The following CHST8 variants were observed in gnomAD, a reference collection of about 807,000 sequenced individuals.
CHST8 encodes GALNAC-4-ST1.
In CHST8, 10 loss-of-function variants were observed where a neutral mutation model predicts 15.0. That is an observed-to-expected ratio of 0.67 (90% CI 0.41 to 1.13). The LOEUF is 1.13. CHST8 is among the 50% of genes most tolerant of loss of function. CHST8 has a pLI of 0.00. For synonymous variants in CHST8, 259 were observed against 256.6 expected (o/e 1.01, Z -0.09); for missense variants, 634 against 608.2 (o/e 1.04, Z -0.45).
intron 3 of CHST8, among the ~76,000 whole-genome samples, chr19:33,703,386 G>A (rs1463577833): frequency 2.6e-5 from 4 of 152,228 alleles, no homozygotes; most frequent in Non-Finnish European, 5.9e-5. Context: ...GTCCACCCAC[G>A]CTCCAAGGAC....
chr19:33,671,330 C>T (rs1000432335), intron 2 of CHST8, among the ~76,000 whole-genome samples: 3 of 152,152 alleles, frequency 2.0e-5, no homozygotes, highest in Non-Finnish European at 4.4e-5. Flanking sequence ...TTTCCACATC[C>T]TGGCCCGAGA....
At chr19:33,714,498 G>A (rs1392579069) in intron 3 of CHST8, among the ~76,000 whole-genome samples, 3 of 152,172 alleles carry the variant, frequency 2.0e-5, no homozygotes, top group Non-Finnish European at 2.9e-5. Flanking sequence ...CTCAAAGGTG[G>A]GAGGATAAGA....
intron 3 of CHST8, among the ~76,000 whole-genome samples, chr19:33,704,034 C>A (rs1973394881): frequency 6.6e-6 from 1 of 152,184 alleles, no homozygotes; most frequent in Admixed American, 6.5e-5. Flanking sequence ...GGCTGCCTGT[C>A]ATCTTGCCCT....
chr19:33,663,452 C>A (rs143766401), intron 1 of CHST8, among the ~76,000 whole-genome samples: 172 of 152,308 alleles, frequency 1.1e-3, no homozygotes, highest in African/African-American at 4.0e-3. Flanking sequence ...GTGGTCCCAG[C>A]TACTCAGTGG....
Position 33,771,959 on chromosome 19 carries a change from C to T in CHST8, c.171C>T (p.Asp57=). The change falls in exon 5 of 5, where the codon GAC becomes GAT. Residue 57 remains aspartate (D), a splice_region_variant and synonymous_variant. Coordinates refer to ENST00000650847, the MANE Select transcript of CHST8 (RefSeq NM_001127895.2). ...AACCACTTCTCTTCTTGCCCCAGGA[C>T]CTCCCACCAGGCGGCTCCCAGGATG... is the stretch of plus-strand genomic sequence containing the variant. ...FNIRPRQPHH[D]LPPGGSQDGD... 4 of 1,561,916 alleles carry T rather than the reference C, an allele frequency of 2.6e-6. No homozygotes were observed. Among genetic ancestry groups the T allele is most frequent in the Non-Finnish European group, 2.6e-6 (3 of 1,156,722 alleles).
At chr19:33,671,151 C>A (rs1168283643) in intron 2 of CHST8, among the ~76,000 whole-genome samples, 1 of 152,180 alleles carries the variant, frequency 6.6e-6, no homozygotes, top group Non-Finnish European at 1.5e-5. Context: ...GAGTGAATTA[C>A]AGTTTTTTCA....
At chr19:33,739,496 T>TAAAACAAC (rs1974146578) in intron 3 of CHST8, among the ~76,000 whole-genome samples, 1 of 152,258 alleles carries the variant, frequency 6.6e-6, no homozygotes, top group South Asian at 2.1e-4. Context: ...ACTGTTGTTT[T>TAAAACAAC]AGCCTGTTGT....
intron 3 of CHST8, among the ~76,000 whole-genome samples, chr19:33,734,776 C>G (rs978950473): frequency 2.6e-5 from 4 of 152,172 alleles, no homozygotes; most frequent in African/African-American, 9.7e-5. Context: ...GCATACCACC[C>G]TGGGAGCACT....
chr19:33,742,265 C>T (rs959082792), intron 3 of CHST8, among the ~76,000 whole-genome samples: 3 of 152,106 alleles, frequency 2.0e-5, no homozygotes, highest in Non-Finnish European at 2.9e-5. Flanking sequence ...TATTAGTTTG[C>T]ATTGTGTTTC....
rs934507664 is a variant in CHST8 at position 33,689,162 on chromosome 19, C to T, written c.-86-14C>T. 9 of 1,404,346 alleles carry T rather than the reference C, an allele frequency of 6.4e-6. No homozygotes were observed. The highest frequency in any genetic ancestry group is 2.9e-5 in the African/African-American group (2 of 67,976). The allele number at this position is 1,404,346 out of a possible 1,614,324, so 87.0% of individuals were successfully genotyped here. ...TCGCGCCTCGGTGATGACTATCCCT[C>T]CTCTGCCCCGTAGATCTCGGCCTGA... On this transcript the variant is annotated splice_polypyrimidine_tract_variant and intron_variant, in intron 2 of 4. Coordinates refer to ENST00000650847, the MANE Select transcript of CHST8 (RefSeq NM_001127895.2).
At chr19:33,624,028 A>G (rs1157259059) in intron 1 of CHST8, among the ~76,000 whole-genome samples, 1 of 152,162 alleles carries the variant, frequency 6.6e-6, no homozygotes, top group Non-Finnish European at 1.5e-5. Flanking sequence ...CCGGAACCTG[A>G]CCCATTGCCT....
chr19:33,641,278 G>A, intron 1 of CHST8, among the ~76,000 whole-genome samples: 1 of 152,196 alleles, frequency 6.6e-6, no homozygotes, highest in African/African-American at 2.4e-5. Context: ...TAGGCTGGGT[G>A]AGTCCTCTTC....
intron 3 of CHST8, among the ~76,000 whole-genome samples, chr19:33,755,078 T>G (rs1974520329): frequency 1.3e-5 from 2 of 152,308 alleles, no homozygotes; most frequent in South Asian, 4.1e-4. Flanking sequence ...ATTCTCAGGA[T>G]GCCCACCACC....
intron 3 of CHST8, among the ~76,000 whole-genome samples, chr19:33,718,121 C>T (rs1568340826): frequency 6.6e-6 from 1 of 152,192 alleles, no homozygotes; most frequent in Non-Finnish European, 1.5e-5. Context: ...GCTTGGAGTC[C>T]ATAGGTTATT....
chr19:33,708,874 T>C (rs1348031089), intron 3 of CHST8, among the ~76,000 whole-genome samples: 1 of 152,232 alleles, frequency 6.6e-6, no homozygotes, highest in Non-Finnish European at 1.5e-5. Context: ...GGAATGTCTC[T>C]CCACTTGTTT....
At chr19:33,721,483 A>G (rs1599584112) in intron 3 of CHST8, among the ~76,000 whole-genome samples, 1 of 152,158 alleles carries the variant, frequency 6.6e-6, no homozygotes, top group East Asian at 1.9e-4. Context: ...AGATGGATGC[A>G]TGGATGGTGA....
Position 33,761,979 on chromosome 19 carries a change from A to G in CHST8, c.131-9434A>G, listed in dbSNP as rs551873798. On this transcript the variant is annotated intron_variant, in intron 3 of 4. Coordinates refer to ENST00000650847, the MANE Select transcript of CHST8 (RefSeq NM_001127895.2). ...GCACACAACCACACACTCCCCACCC[A>G]GGGCACGCTACATCACACACACAGG... Among the ~76,000 whole-genome samples, 9 of 152,344 alleles carry G rather than the reference A, an allele frequency of 5.9e-5. No homozygotes were observed. In the East Asian group the frequency reaches 1.7e-3, roughly 29 times the overall value.
chr19:33,760,266 C>CCTTT lies in CHST8; in HGVS notation c.131-11144_131-11143insTCTT, dbSNP rs1974691902. On this transcript the variant is annotated intron_variant, in intron 3 of 4. Transcript: ENST00000650847. Reference sequence around the variant, plus strand: ...CTTGCCGGCCAGCCATCATGGTTGCCCTTCCTTCCTTCCCTCCTTCCTTCC... The same window carrying CCTTT: ...CTTGCCGGCCAGCCATCATGGTTGCCCTTTCTTCCTTCCTTCCCTCCTTCCTTCC... Among the ~76,000 whole-genome samples the CCTTT allele has an allele frequency of 2.8e-5, 2 of 72,502 alleles. 1 individual carries two copies. Among genetic ancestry groups the CCTTT allele is most frequent in the Non-Finnish European group, 5.6e-5 (2 of 36,032 alleles). 47.6% of individuals were successfully genotyped at this position (72,502 alleles called of 152,430 possible). A position where few individuals can be genotyped will look rare whatever the true frequency, so the allele number is the denominator to read the frequency against.
At chr19:33,743,569 G>A (rs1381659413) in intron 3 of CHST8, among the ~76,000 whole-genome samples, 2 of 151,926 alleles carry the variant, frequency 1.3e-5, no homozygotes, top group African/African-American at 4.8e-5. Flanking sequence ...CCAAAGTGCT[G>A]GGATTACAGG....
Sources: gnomAD v4.1 joint callset for allele counts (sites outside exome capture counted in the v4.1 genomes callset) on GRCh38, gnomAD v4.1.1 for gene constraint, MANE v1.5 for transcripts, NCBI Gene and HGNC (gene_info 2026-07-23, HGNC 2026-07-21) for gene names.